Variants in BRSK1 observed in about 807,000 individuals in gnomAD.
BRSK1 encodes BR serine/threonine kinase 1, also known as serine/threonine-protein kinase BRSK1.
BRSK1 carries 17 observed loss-of-function variants against 86.2 expected under a neutral mutation model. The observed-to-expected ratio is 0.20, with a 90% confidence interval of 0.14 to 0.30. The LOEUF (loss-of-function observed/expected upper bound fraction) is 0.30. Ranked by LOEUF, BRSK1 falls within the 10% of genes least tolerant of loss-of-function variation. The probability of loss-of-function intolerance (pLI) is 1.00; values close to 1 mark genes in which losing one functional copy is unlikely to be tolerated. For missense variants in BRSK1, 719 were observed against 1,071.9 expected, an observed-to-expected ratio of 0.67 and a Z score of 4.60; for synonymous variants, 464 against 440.1, an observed-to-expected ratio of 1.05 and a Z score of -0.68.
At chr19:55,286,697 T>G (rs536927459) in intron 1 of BRSK1, among the ~76,000 whole-genome samples, 5 of 142,124 alleles carry the variant, frequency 3.5e-5, no homozygotes, top group South Asian at 2.2e-4. Flanking sequence ...GGAGACACGG[T>G]GAGGAAAGAA....
intron 17 of BRSK1, among the ~76,000 whole-genome samples, chr19:55,307,361 C>A (rs969819797): frequency 9.9e-5 from 15 of 151,620 alleles, no homozygotes; most frequent in African/African-American, 3.2e-4. Context: ...ACCAGCCTGG[C>A]CAACATGGTG....
Position 55,304,095 on chromosome 19 carries a change from T to C in BRSK1, c.1332T>C (p.Pro444=), listed in dbSNP as rs1409757087. The C allele has an allele frequency of 5.6e-6, 9 of 1,612,616 alleles. No individual in the cohort carries two copies. The highest frequency in any genetic ancestry group is 7.6e-6 in the Non-Finnish European group (9 of 1,179,810). Residue 444 remains proline, a synonymous_variant, in exon 13 of 19, where the codon CCT becomes CCC. Coordinates refer to ENST00000309383, the MANE Select transcript of BRSK1 (RefSeq NM_032430.2). The surrounding 1 kb of genome is among the most constrained non-coding windows in gnomAD (Gnocchi z 5.2). ...SGASTGLSSS[P]LSSPRSPVFS... is the part of the protein sequence containing the mutation. ...CCTCCACGGGTCTGTCCTCCAGCCC[T>C]CTAAGCAGCCCAAGGGTAAGGCCAG...
chr19:55,310,146 C>T lies in BRSK1; in HGVS notation c.2179+1418C>T, dbSNP rs2088751298. On this transcript the variant is annotated intron_variant, in intron 18 of 18. Transcript: ENST00000309383. The surrounding 1 kb of genome is among the most constrained non-coding windows in gnomAD (Gnocchi z 5.0). Reference sequence around the variant, plus strand: ...TTCTATGGCCGCCGTCAACAAATGACACAGCCTTGGTGGCTGAAACAACAC... The same window carrying T: ...TTCTATGGCCGCCGTCAACAAATGATACAGCCTTGGTGGCTGAAACAACAC... 6.6e-6 allele frequency among the ~76,000 whole-genome samples: 1 copy of T among 152,226 alleles called. No homozygotes were observed.
intron 17 of BRSK1, among the ~76,000 whole-genome samples, chr19:55,307,331 G>A (rs916070981): frequency 1.3e-5 from 2 of 152,040 alleles, no homozygotes; most frequent in East Asian, 1.9e-4. Context: ...AGGCTGAGAC[G>A]AGCAGGTCAG....
Position 55,310,429 on chromosome 19 carries a change from G to C in BRSK1, c.2180-1482G>C, listed in dbSNP as rs961124838. Among the ~76,000 whole-genome samples the C allele has an allele frequency of 1.3e-5, 2 of 152,066 alleles. No individual in the cohort carries two copies. Among genetic ancestry groups the C allele is most frequent in the Non-Finnish European group, 2.9e-5 (2 of 68,020 alleles). On this transcript the variant is annotated intron_variant, in intron 18 of 18. Transcript: ENST00000309383. This position sits in a 1 kb window ranked among gnomAD's most constrained non-coding sequence, Gnocchi z 5.0. ...ATACTCCAAGATAATCCCCCAACTC[G>C]TGGTCCCTCACCTTCCCCACAGCAC...
In BRSK1 at chr19:55,302,238, G is replaced by T; in HGVS notation, c.857+70G>T. 1 of 1,580,850 alleles carries T rather than the reference G, an allele frequency of 6.3e-7. No homozygotes were observed. Among genetic ancestry groups the T allele is most frequent in the East Asian group, 2.2e-5 (1 of 44,742 alleles). On this transcript the variant is annotated intron_variant, in intron 9 of 18. Coordinates refer to ENST00000309383, the MANE Select transcript of BRSK1 (RefSeq NM_032430.2). This position sits in a 1 kb window ranked among gnomAD's most constrained non-coding sequence, Gnocchi z 6.3. ...GGGAGGGGCCAAAGCAGTAGAAGCGGCTGGGAGGGGTGGGATGCCAGGGTT... is the reference window on the plus strand; with the variant it reads ...GGGAGGGGCCAAAGCAGTAGAAGCGTCTGGGAGGGGTGGGATGCCAGGGTT...
intron 18 of BRSK1, among the ~76,000 whole-genome samples, chr19:55,309,346 G>C (rs2088729219): frequency 6.6e-6 from 1 of 152,224 alleles, no homozygotes; most frequent in Non-Finnish European, 1.5e-5. Context: ...GGTCATCAAA[G>C]ACTCAAATTC....
At chr19:55,301,479 G>A in intron 7 of BRSK1, 33 bp from the exon 8 acceptor site, 1 of 1,607,916 alleles carries the variant, frequency 6.2e-7, no homozygotes, top group Non-Finnish European at 8.5e-7. Context: ...GGTGAAATGT[G>A]CTAATGAGGG....
chr19:55,288,216 C>T (rs1309752294), intron 3 of BRSK1, among the ~76,000 whole-genome samples: 4 of 152,102 alleles, frequency 2.6e-5, no homozygotes, highest in African/African-American at 9.7e-5. Context: ...CGCGGTGGCT[C>T]ATGCCTGTAA....
chr19:55,306,588 G>A lies in BRSK1; in HGVS notation c.2089+138G>A. 1.0e-6 allele frequency: 1 copy of A among 963,332 alleles called. No individual in the cohort carries two copies. The highest frequency in any genetic ancestry group is 1.5e-6 in the Non-Finnish European group (1 of 645,840). The allele number at this position is 963,332 out of a possible 1,614,324, so 59.7% of individuals were successfully genotyped here. A position where few individuals can be genotyped will look rare whatever the true frequency, so the allele number is the denominator to read the frequency against. On this transcript the variant is annotated intron_variant, in intron 17 of 18. Transcript: ENST00000309383. This position sits in a 1 kb window ranked among gnomAD's most constrained non-coding sequence, Gnocchi z 4.7. ...GGTGCCGACTCTCTGTGCTCCTCCTGCCCACACAGACCGCCCCACAAGCCC... is the reference window on the plus strand; with the variant it reads ...GGTGCCGACTCTCTGTGCTCCTCCTACCCACACAGACCGCCCCACAAGCCC...
chr19:55,302,914 TG>T lies in BRSK1; in HGVS notation c.1028+48del, dbSNP rs1313209831. On this transcript the variant is annotated intron_variant, in intron 10 of 18. Transcript: ENST00000309383. The surrounding 1 kb of genome is among the most constrained non-coding windows in gnomAD (Gnocchi z 6.3). ...ACCCGTGTACCCACGTGGGGCGAGC[TG>T]CAGCAGCTCCCTGCGCACATGCAGA... is the stretch of plus-strand genomic sequence containing the variant. The T allele has an allele frequency of 6.3e-7, 1 of 1,584,494 alleles. No individual in the cohort carries two copies. Among genetic ancestry groups the T allele is most frequent in the Non-Finnish European group, 8.6e-7 (1 of 1,160,240 alleles).
intron 14 of BRSK1, 51 bp from the exon 15 acceptor site, chr19:55,305,270 A>T: frequency 6.2e-7 from 1 of 1,608,122 alleles, no homozygotes; most frequent in South Asian, 1.1e-5. Flanking sequence ...TGTGCTGGCA[A>T]CTGGGATGAT....
In BRSK1 at chr19:55,302,700, C is replaced by G; in HGVS notation, c.861C>G (p.Gly287=). 1 of 1,603,000 alleles carries G rather than the reference C, an allele frequency of 6.2e-7. No homozygotes were observed. Among genetic ancestry groups the G allele is most frequent in the Admixed American group, 1.7e-5 (1 of 58,888 alleles). ...EQIQKHPWYL[G]GKHEPDPCLE... ...TAATGTTTCTCCACTTCCCCAGAGG[C>G]GGGAAACACGAGCCAGACCCGTGCC... Residue 287 remains glycine, a synonymous_variant, in exon 10 of 19, where the codon GGC becomes GGG. Transcript: ENST00000309383. This position sits in a 1 kb window ranked among gnomAD's most constrained non-coding sequence, Gnocchi z 6.3.
Position 55,304,539 on chromosome 19 carries a change from T to G in BRSK1, c.1348-12T>G. On this transcript the variant is annotated splice_polypyrimidine_tract_variant and intron_variant, in intron 13 of 18. Transcript: ENST00000309383. This position sits in a 1 kb window ranked among gnomAD's most constrained non-coding sequence, Gnocchi z 5.2. ...AGTCCACTCGCTTATCTCAGTCTCCTGTCCTCTGCAGAGTCCGGTCTTTTC... is the reference window on the plus strand; with the variant it reads ...AGTCCACTCGCTTATCTCAGTCTCCGGTCCTCTGCAGAGTCCGGTCTTTTC... 1.3e-6 allele frequency: 2 copies of G among 1,561,942 alleles called. No homozygotes were observed. The highest frequency in any genetic ancestry group is 1.7e-6 in the Non-Finnish European group (2 of 1,159,626).
chr19:55,297,256 T>C (rs1266590008), intron 7 of BRSK1, among the ~76,000 whole-genome samples: 1 of 151,948 alleles, frequency 6.6e-6, no homozygotes, highest in Non-Finnish European at 1.5e-5. Context: ...TTTGTATTTT[T>C]AGTAGACATG....
intron 1 of BRSK1, among the ~76,000 whole-genome samples, chr19:55,286,226 T>TGG (rs1453167701): frequency 1.9e-5 from 1 of 53,062 alleles, no homozygotes; most frequent in Non-Finnish European, 3.7e-5. Context: ...GAGGATGGAA[T>TGG]GGGGGCCTGG....
chr19:55,293,876 A>G, intron 4 of BRSK1, 141 bp from the exon 5 acceptor site: 1 of 615,352 alleles, frequency 1.6e-6, no homozygotes, highest in East Asian at 2.8e-5. Context: ...AAAGACCAAA[A>G]TTAATGAATG....
chr19:55,303,513 A>G lies in BRSK1; in HGVS notation c.1126+105A>G, dbSNP rs1551562. On this transcript the variant is annotated intron_variant, in intron 11 of 18. Coordinates refer to ENST00000309383, the MANE Select transcript of BRSK1 (RefSeq NM_032430.2). This position sits in a 1 kb window ranked among gnomAD's most constrained non-coding sequence, Gnocchi z 5.1. ...AGGAAAGAAGGGGCTGCAGGCTCTG[A>G]GCTTCCAGCTTTAGACTGCTTGACT... The G allele has an allele frequency of 0.22, 321,637 of 1,481,246 alleles. 36,483 individuals are homozygous for G. Among genetic ancestry groups the G allele is most frequent in the South Asian group, 0.24 (21,021 of 86,778 alleles). The allele number at this position is 1,481,246 out of a possible 1,614,324, so 91.8% of individuals were successfully genotyped here.
chr19:55,289,570 C>T lies in BRSK1; in HGVS notation c.408C>T (p.Phe136=). 1 of 1,614,152 alleles carries T rather than the reference C, an allele frequency of 6.2e-7. No homozygotes were observed. The highest frequency in any genetic ancestry group is 8.5e-7 in the Non-Finnish European group (1 of 1,180,026). Residue 136 remains phenylalanine, a synonymous_variant, in exon 4 of 19, where the codon TTC becomes TTT. Coordinates refer to ENST00000309383, the MANE Select transcript of BRSK1 (RefSeq NM_032430.2). The part of the protein sequence containing the change: ...GRLTPKEARK[F]FRQIVSALDF... ...TGACGCCCAAGGAGGCCCGAAAGTT[C>T]TTCCGCCAGATTGTGTCTGCGCTGG...
Sources: gnomAD v4.1 joint callset for allele counts (sites outside exome capture counted in the v4.1 genomes callset) on GRCh38, gnomAD v4.1.1 for gene constraint, Gnocchi (gnomAD v3.1) non-coding constraint, MANE v1.5 for transcripts, NCBI Gene and HGNC (gene_info 2026-07-23, HGNC 2026-07-21) for gene names.